SPAG16: variants seen among roughly 807,000 people sequenced by gnomAD.
SPAG16 encodes the protein sperm associated antigen 16, also known as sperm-associated antigen 16 protein.
In SPAG16, 86 loss-of-function variants were observed where a neutral mutation model predicts 80.4. That is an observed-to-expected ratio of 1.07 (90% CI 0.90 to 1.28). SPAG16 has a LOEUF of 1.28. Among genes scored for constraint, SPAG16 ranks in the 50% most tolerant of loss-of-function variants. The pLI is 0.00. For synonymous variants in SPAG16, 294 were observed against 265.9 expected (o/e 1.11, Z -1.03); for missense variants, 870 against 765.3 (o/e 1.14, Z -1.61).
rs145957541 is a variant in SPAG16, at chr2:213,915,622, A to G, written c.1215-14338A>G. ...ATGTATCTTTATAGTAAAATGATTT[A>G]TAATCCTTTGGGTATATGCCCAGTA... On this transcript the variant is annotated intron_variant, in intron 11 of 15. Coordinates refer to ENST00000331683, the MANE Select transcript of SPAG16 (RefSeq NM_024532.5). Among the ~76,000 whole-genome samples the G allele has an allele frequency of 8.8e-3, 1,336 of 152,296 alleles. 15 individuals carry two copies. Among genetic ancestry groups the G allele is most frequent in the African/African-American group, 0.03 (1,245 of 41,556 alleles).
At chr2:213,327,592 T>C (rs1041317772) in intron 5 of SPAG16, among the ~76,000 whole-genome samples, 1 of 152,140 alleles carries the variant, frequency 6.6e-6, no homozygotes, top group East Asian at 1.9e-4. Flanking sequence ...TAACATGTTG[T>C]GGGTTTACAT....
intron 15 of SPAG16, among the ~76,000 whole-genome samples, chr2:214,175,987 C>G (rs1312562658): frequency 6.6e-6 from 1 of 151,388 alleles, no homozygotes; most frequent in Non-Finnish European, 1.5e-5. Context: ...TTGTGATTTA[C>G]TTGGAATATC....
intron 1 of SPAG16, among the ~76,000 whole-genome samples, chr2:213,285,486 A>C (rs1024363455): frequency 6.6e-6 from 1 of 152,210 alleles, no homozygotes; most frequent in African/African-American, 2.4e-5. Context: ...TTCAGTTCTT[A>C]AAGATACCAA....
At chr2:213,518,297 C>T (rs2075522787) in intron 10 of SPAG16, among the ~76,000 whole-genome samples, 1 of 152,202 alleles carries the variant, frequency 6.6e-6, no homozygotes, top group Non-Finnish European at 1.5e-5. Flanking sequence ...GGCATGTTCT[C>T]ACTCTGTTAC....
intron 10 of SPAG16, among the ~76,000 whole-genome samples, chr2:213,831,034 CTTTTT>C (rs34523016): frequency 6.2e-5 from 5 of 80,814 alleles, no homozygotes; most frequent in Admixed American, 1.6e-4. Context: ...TGAAACATGA[CTTTTT>C]TTTTTTTTTT....
At chr2:213,356,655 C>G (rs2065670799) in intron 7 of SPAG16, among the ~76,000 whole-genome samples, 1 of 151,836 alleles carries the variant, frequency 6.6e-6, no homozygotes, top group African/African-American at 2.4e-5. Flanking sequence ...CTTTATTAGT[C>G]TTGTTAGTGG....
intron 15 of SPAG16, among the ~76,000 whole-genome samples, chr2:214,321,475 A>T (rs1408028172): frequency 6.6e-6 from 1 of 152,188 alleles, no homozygotes; most frequent in Non-Finnish European, 1.5e-5. Context: ...AGGAACACAA[A>T]GTGTGCGTTC....
At chr2:214,111,239 T>C (rs2053647120) in intron 14 of SPAG16, among the ~76,000 whole-genome samples, 2 of 152,244 alleles carry the variant, frequency 1.3e-5, no homozygotes, top group Admixed American at 1.3e-4. Flanking sequence ...CCCTAGGTTT[T>C]CCTCTAGGGT....
At chr2:213,458,342 C>T (rs1437997551) in intron 9 of SPAG16, among the ~76,000 whole-genome samples, 2 of 151,584 alleles carry the variant, frequency 1.3e-5, no homozygotes, top group Non-Finnish European at 1.5e-5. Context: ...TCGAGGCAGG[C>T]AGATCAAGAG....
chr2:213,852,782 G>C (rs535599876), intron 10 of SPAG16, among the ~76,000 whole-genome samples: 9 of 152,096 alleles, frequency 5.9e-5, no homozygotes, highest in African/African-American at 1.9e-4. Flanking sequence ...TTTGTGATCT[G>C]TTCTCCCCTA....
Position 214,410,439 on chromosome 2 carries a change from C to T in SPAG16, c.*124C>T. 1.1e-6 allele frequency: 1 copy of T among 888,242 alleles called. No individual in the cohort carries two copies. Among genetic ancestry groups the T allele is most frequent in the Non-Finnish European group, 1.7e-6 (1 of 596,302 alleles). The allele number at this position is 888,242 out of a possible 1,614,324, so 55.0% of individuals were successfully genotyped here. ...GTAACATTTACAGTCTGCTTTAAAA[C>T]ATGCTTTGGACATATATTTTAGTGC... On this transcript the variant is annotated 3_prime_UTR_variant, in exon 16 of 16. Coordinates refer to ENST00000331683, the MANE Select transcript of SPAG16 (RefSeq NM_024532.5).
At position 213,785,279 on chromosome 2, in the gene SPAG16, G is replaced by A. The variant is rs375254894; in HGVS notation, c.1071-77206G>A. Among the ~76,000 whole-genome samples, 8 of 152,124 alleles carry A rather than the reference G, an allele frequency of 5.3e-5. No individual in the cohort carries two copies. In the East Asian group the frequency reaches 1.5e-3, roughly 29 times the overall value. ...AATCAAAAATATTCTATAAGCTGAA[G>A]ACATTATATAAAATTAAAATATTAT... On this transcript the variant is annotated intron_variant, in intron 10 of 15. Transcript: ENST00000331683.
intron 9 of SPAG16, among the ~76,000 whole-genome samples, chr2:213,488,869 G>C (rs1178518209): frequency 2.0e-5 from 3 of 148,322 alleles, no homozygotes; most frequent in Non-Finnish European, 4.5e-5. Context: ...CTGAGGTAGG[G>C]AGTTTGAGAC....
intron 10 of SPAG16, among the ~76,000 whole-genome samples, chr2:213,666,940 T>C (rs1220215983): frequency 2.0e-5 from 3 of 152,170 alleles, no homozygotes; most frequent in Non-Finnish European, 2.9e-5. Flanking sequence ...ACTCTACAAA[T>C]GGAGCACCAT....
chr2:213,342,733 C>G lies in SPAG16; in HGVS notation c.644+2463C>G, dbSNP rs2064765109. 2.0e-5 allele frequency among the ~76,000 whole-genome samples: 3 copies of G among 151,722 alleles called. No individual in the cohort carries two copies. The South Asian group carries it at 6.2e-4, about 31-fold the overall frequency. On this transcript the variant is annotated intron_variant, in intron 6 of 15. Coordinates refer to ENST00000331683, the MANE Select transcript of SPAG16 (RefSeq NM_024532.5). ...AATTAGCTCTCCAACTGGTACTGGA[C>G]TAGCTCCCCAAATGTAAGGAACTAC...
At chr2:213,696,910 AG>A (rs1202161396) in intron 10 of SPAG16, among the ~76,000 whole-genome samples, 4 of 152,180 alleles carry the variant, frequency 2.6e-5, no homozygotes, top group Admixed American at 6.5e-5. Flanking sequence ...GGGCTAAAGC[AG>A]GGTTTTATAA....
chr2:214,173,481 T>C (rs1388117990), intron 15 of SPAG16, among the ~76,000 whole-genome samples: 1 of 152,048 alleles, frequency 6.6e-6, no homozygotes, highest in Non-Finnish European at 1.5e-5. Flanking sequence ...ACCAGTACCA[T>C]GCTGTTTTGG....
chr2:213,876,601 C>T (rs762070763), intron 11 of SPAG16, among the ~76,000 whole-genome samples: 1 of 152,096 alleles, frequency 6.6e-6, no homozygotes, highest in Non-Finnish European at 1.5e-5. Context: ...AAGTATTCTA[C>T]GACGTAAGTC....
At chr2:213,986,891 CAA>C (rs369965944) in intron 12 of SPAG16, among the ~76,000 whole-genome samples, 5,204 of 57,206 alleles carry the variant, frequency 0.091, 107 homozygotes, top group African/African-American at 0.14. Context: ...TCTGGTATAG[CAA>C]AAAAAAAAAA....
Sources: gnomAD v4.1 joint callset for allele counts (sites outside exome capture counted in the v4.1 genomes callset) on GRCh38, gnomAD v4.1.1 for gene constraint, MANE v1.5 for transcripts, NCBI Gene and HGNC (gene_info 2026-07-23, HGNC 2026-07-21) for gene names.